Variants in KCTD20 observed in about 807,000 individuals in gnomAD.
KCTD20 encodes BTB/POZ domain-containing protein KCTD20.
Under a neutral mutation model 39.6 loss-of-function variants are expected in KCTD20, and 30 were observed. That is an observed-to-expected ratio of 0.76 (90% confidence interval 0.57 to 1.03). KCTD20 has a LOEUF of 1.03. KCTD20 is among the 50% of genes least tolerant of loss of function. The pLI is 0.00. For missense variants in KCTD20, 422 were observed against 522.0 expected, an observed-to-expected ratio of 0.81 and a Z score of 1.87; for synonymous variants, 162 against 180.6, an observed-to-expected ratio of 0.90 and a Z score of 0.83.
At chr6:36,473,756 G>A (rs1775981749) in intron 2 of KCTD20, among the ~76,000 whole-genome samples, 1 of 152,058 alleles carries the variant, frequency 6.6e-6, no homozygotes, top group Admixed American at 6.6e-5. Context: ...CTGGGCGACA[G>A]TGTGAGACTC....
intron 3 of KCTD20, among the ~76,000 whole-genome samples, chr6:36,476,339 T>TTTTAACTACA (rs1776061129): frequency 6.6e-6 from 1 of 152,176 alleles, no homozygotes; most frequent in South Asian, 2.1e-4. Flanking sequence ...AAATTCGAAT[T>TTTTAACTACA]GATCACACTA....
Position 36,487,224 on chromosome 6 carries a change from C to A in KCTD20, c.*49C>A. On this transcript the variant is annotated 3_prime_UTR_variant, in exon 8 of 8. Transcript: ENST00000373731. ...GTTGGAGCCCATCTCACCTGGGATG[C>A]CTGCAGCCAGCCCTCCCTCGTGATT... is the stretch of plus-strand genomic sequence containing the variant. The A allele has an allele frequency of 6.4e-7, 1 of 1,554,194 alleles. No homozygotes were observed. The highest frequency in any genetic ancestry group is 1.2e-5 in the South Asian group (1 of 82,540).
rs1202440009 is a variant in KCTD20 at position 36,488,059 on chromosome 6, G to A, written c.*884G>A. On this transcript the variant is annotated 3_prime_UTR_variant, in exon 8 of 8. Transcript: ENST00000373731. ...ATGGCTTAAAGGCTTTCAAGATGAGGACAGAAATTGCTTACAATTGCTCAG... is the reference window on the plus strand; with the variant it reads ...ATGGCTTAAAGGCTTTCAAGATGAGAACAGAAATTGCTTACAATTGCTCAG... 6.6e-6 allele frequency: 1 copy of A among 152,174 alleles called. No individual in the cohort carries two copies. The highest frequency in any genetic ancestry group is 3.2e-3 in the Middle Eastern group (1 of 316). 9.4% of individuals were successfully genotyped at this position (152,174 alleles called of 1,614,324 possible). A position where few individuals can be genotyped will look rare whatever the true frequency, so the allele number is the denominator to read the frequency against.
At chr6:36,483,222 C>T (rs1475212849) in intron 6 of KCTD20, among the ~76,000 whole-genome samples, 2 of 148,692 alleles carry the variant, frequency 1.3e-5, no homozygotes, top group African/African-American at 4.9e-5. Flanking sequence ...CAATACATGA[C>T]AGGTTTGTTT....
chr6:36,450,087 C>A (rs1255823407), intron 1 of KCTD20, among the ~76,000 whole-genome samples: 1 of 147,272 alleles, frequency 6.8e-6, no homozygotes, highest in Non-Finnish European at 1.5e-5. Context: ...TGGCGTGAAC[C>A]CAGGAGGCGG....
At chr6:36,479,920 G>A (rs936756199) in intron 5 of KCTD20, among the ~76,000 whole-genome samples, 2 of 150,664 alleles carry the variant, frequency 1.3e-5, no homozygotes, top group East Asian at 3.9e-4. Flanking sequence ...AGCCTCCCAA[G>A]TAGCTGGGAT....
At chr6:36,481,046 A>AT (rs1776230651) in intron 5 of KCTD20, among the ~76,000 whole-genome samples, 1 of 152,246 alleles carries the variant, frequency 6.6e-6, no homozygotes. Flanking sequence ...GCTTCCTGAA[A>AT]TTATATAAAT....
At chr6:36,485,487 T>A (rs1205345333) in intron 7 of KCTD20, among the ~76,000 whole-genome samples, 3 of 128,782 alleles carry the variant, frequency 2.3e-5, no homozygotes, top group Non-Finnish European at 4.7e-5. Flanking sequence ...GTGGAGTGGA[T>A]CTTTTTTTTT....
intron 7 of KCTD20, among the ~76,000 whole-genome samples, chr6:36,485,925 G>T (rs1050460201): frequency 6.6e-6 from 1 of 151,674 alleles, no homozygotes; most frequent in African/African-American, 2.4e-5. Context: ...TTTTTTAAGA[G>T]ACAGGGTCTC....
At chr6:36,449,967 A>G (rs966405997) in intron 1 of KCTD20, among the ~76,000 whole-genome samples, 2 of 151,952 alleles carry the variant, frequency 1.3e-5, no homozygotes, top group Non-Finnish European at 2.9e-5. Flanking sequence ...GATCGAGACC[A>G]TCATGGCTAA....
At chr6:36,484,177 C>T (rs977318683) in intron 6 of KCTD20, among the ~76,000 whole-genome samples, 1 of 152,178 alleles carries the variant, frequency 6.6e-6, no homozygotes, top group Admixed American at 6.5e-5. Flanking sequence ...CTCAACTGAT[C>T]TGCCTGCCTC....
rs10645937 is a variant in KCTD20 at position 36,448,013 on chromosome 6, G to GTATATATATATATA, written c.-47+4903_-47+4904insATATATATATATAT. Among the ~76,000 whole-genome samples the GTATATATATATATA allele has an allele frequency of 9.2e-3, 1,189 of 128,750 alleles. 10 individuals are homozygous for GTATATATATATATA. The highest frequency in any genetic ancestry group is 0.014 in the Non-Finnish European group (860 of 63,290). The allele number at this position is 128,750 out of a possible 152,430, so 84.5% of individuals were successfully genotyped here. A position where few individuals can be genotyped will look rare whatever the true frequency, so the allele number is the denominator to read the frequency against. ...CTCCAAAATATATGTGTATGTGTGT[G>GTATATATATATATA]TGTATATATATATATATATATATAT... On this transcript the variant is annotated intron_variant, in intron 1 of 7. Coordinates refer to ENST00000373731, the MANE Select transcript of KCTD20 (RefSeq NM_173562.5).
At chr6:36,456,245 C>G (rs1775428992) in intron 1 of KCTD20, among the ~76,000 whole-genome samples, 1 of 152,140 alleles carries the variant, frequency 6.6e-6, no homozygotes, top group South Asian at 2.1e-4. Flanking sequence ...TTGCTTGAGA[C>G]CAGCCTGGGC....
At chr6:36,454,901 G>T (rs1479884786) in intron 1 of KCTD20, among the ~76,000 whole-genome samples, 1 of 151,730 alleles carries the variant, frequency 6.6e-6, no homozygotes, top group Non-Finnish European at 1.5e-5. Flanking sequence ...GCCCATCTTG[G>T]CCTCCCAAAG....
rs1185553706 is a variant in KCTD20 at position 36,443,119 on chromosome 6, G to A, written c.-47+8G>A. The A allele has an allele frequency of 6.6e-6, 1 of 152,370 alleles. No homozygotes were observed. 9.4% of individuals were successfully genotyped at this position (152,370 alleles called of 1,614,324 possible). A position where few individuals can be genotyped will look rare whatever the true frequency, so the allele number is the denominator to read the frequency against. On this transcript the variant is annotated splice_region_variant and intron_variant, in intron 1 of 7. Coordinates refer to ENST00000373731, the MANE Select transcript of KCTD20 (RefSeq NM_173562.5). ...CGCGGCGGGGAGCGACGAGTAAGTG[G>A]CGGCGCGGTACGGTTTCGGGCGCGA...
chr6:36,476,591 G>A (rs1035518546), intron 3 of KCTD20, among the ~76,000 whole-genome samples: 14 of 151,896 alleles, frequency 9.2e-5, no homozygotes, highest in South Asian at 4.2e-4. Flanking sequence ...CACCACACCC[G>A]GCAAATTTTT....
Position 36,479,186 on chromosome 6 carries a change from C to T in KCTD20, c.500C>T (p.Ala167Val). ...AATGAGAAGGGAGAGTATGAGATTG[C>T]TGAAGGCATCAGTGCAACTGTATTT... ...RPNEKGEYEI[A>V]EGISATVFRT... The change falls in exon 4 of 8, where the codon GCT becomes GTT. Residue 167 changes from alanine to valine, a missense_variant. By Grantham distance (64) the Ala-to-Val change is moderately conservative. Coordinates refer to ENST00000373731, the MANE Select transcript of KCTD20 (RefSeq NM_173562.5). 5 of 1,613,986 alleles carry T rather than the reference C, an allele frequency of 3.1e-6. No individual in the cohort carries two copies. The highest frequency in any genetic ancestry group is 1.1e-5 in the South Asian group (1 of 91,082).
At chr6:36,458,556 AAAAAG>A (rs1278656187) in intron 1 of KCTD20, among the ~76,000 whole-genome samples, 6 of 150,668 alleles carry the variant, frequency 4.0e-5, no homozygotes, top group South Asian at 2.1e-4. Context: ...AAAAAAAAAA[AAAAAG>A]AAAAGAAAGA....
chr6:36,459,097 A>G (rs1313382244), intron 1 of KCTD20, among the ~76,000 whole-genome samples: 1 of 152,212 alleles, frequency 6.6e-6, no homozygotes, highest in Non-Finnish European at 1.5e-5. Flanking sequence ...CTTGATATCA[A>G]GGTCAAGAGT....
Sources: gnomAD v4.1 joint callset for allele counts (sites outside exome capture counted in the v4.1 genomes callset) on GRCh38, gnomAD v4.1.1 for gene constraint, MANE v1.5 for transcripts, NCBI Gene and HGNC (gene_info 2026-07-23, HGNC 2026-07-21) for gene names.